PLD1: variants seen among roughly 807,000 people sequenced by gnomAD.
The protein encoded by PLD1 is choline phosphatase 1.
A neutral mutation model predicts 137.1 loss-of-function variants in PLD1; 112 were observed. The ratio of observed to expected loss-of-function variants is 0.82; its 90% CI spans 0.70 to 0.96. PLD1 has a LOEUF of 0.96. Among genes scored for constraint, PLD1 ranks in the 40% least tolerant of loss-of-function variants. The pLI is 0.00. For synonymous variants in PLD1, 431 were observed against 454.7 expected (o/e 0.95, Z 0.66); for missense variants, 1,321 against 1,342.0 (o/e 0.98, Z 0.24).
intron 1 of PLD1, among the ~76,000 whole-genome samples, chr3:171,745,740 T>C (rs1720105374): frequency 6.6e-6 from 1 of 152,182 alleles, no homozygotes; most frequent in Admixed American, 6.5e-5. Flanking sequence ...GTGCTAGCAG[T>C]CCTCACTCGC....
intron 12 of PLD1, among the ~76,000 whole-genome samples, chr3:171,697,651 C>A (rs1252398328): frequency 6.6e-6 from 1 of 152,162 alleles, no homozygotes; most frequent in Non-Finnish European, 1.5e-5. Flanking sequence ...CTGACAAAGT[C>A]TTTGGCACTG....
At chr3:171,696,715 G>A (rs1322663508) in intron 12 of PLD1, among the ~76,000 whole-genome samples, 1 of 152,094 alleles carries the variant, frequency 6.6e-6, no homozygotes, top group Non-Finnish European at 1.5e-5. Flanking sequence ...GGAGTGATCC[G>A]AGTGTTAAAA....
intron 1 of PLD1, among the ~76,000 whole-genome samples, chr3:171,796,117 T>C (rs923128416): frequency 1.3e-5 from 2 of 152,218 alleles, no homozygotes; most frequent in African/African-American, 2.4e-5. Context: ...TCCCCAAACA[T>C]TTGCTGTCCA....
At chr3:171,691,006 A>T (rs560963880) in intron 13 of PLD1, among the ~76,000 whole-genome samples, 1 of 152,302 alleles carries the variant, frequency 6.6e-6, no homozygotes, top group South Asian at 2.1e-4. Flanking sequence ...AGGTACATAA[A>T]TATGTATAAT....
intron 13 of PLD1, among the ~76,000 whole-genome samples, chr3:171,689,287 T>G (rs1714900441): frequency 6.6e-6 from 1 of 152,176 alleles, no homozygotes; most frequent in African/African-American, 2.4e-5. Context: ...TGATATTTTA[T>G]CAGTCATTGA....
intron 1 of PLD1, among the ~76,000 whole-genome samples, chr3:171,797,803 T>C (rs557055751): frequency 3.9e-4 from 59 of 152,350 alleles, no homozygotes; most frequent in South Asian, 8.3e-4. Flanking sequence ...GGGCCTCTTA[T>C]TTAAAACTGA....
At chr3:171,651,685 G>C (rs934664770) in intron 21 of PLD1, among the ~76,000 whole-genome samples, 9 of 152,172 alleles carry the variant, frequency 5.9e-5, no homozygotes, top group African/African-American at 1.9e-4. Flanking sequence ...AGAATGCTGA[G>C]GGATTCCCCA....
At chr3:171,700,148 T>C (rs533896562) in intron 11 of PLD1, among the ~76,000 whole-genome samples, 18 of 151,946 alleles carry the variant, frequency 1.2e-4, no homozygotes, top group African/African-American at 4.3e-4. Context: ...ACTTCTTCCC[T>C]GCTCTCAGAG....
At chr3:171,648,809 C>T (rs1273985847) in intron 21 of PLD1, among the ~76,000 whole-genome samples, 2 of 152,184 alleles carry the variant, frequency 1.3e-5, no homozygotes, top group Admixed American at 6.5e-5. Context: ...CCGCCTCGGC[C>T]TCCCAAAGTG....
chr3:171,689,646 G>A (rs575417590), intron 13 of PLD1, among the ~76,000 whole-genome samples: 216 of 152,172 alleles, frequency 1.4e-3, no homozygotes, highest in African/African-American at 5.0e-3. Flanking sequence ...GACTATAGGC[G>A]TGTACCACCA....
rs764165324 is a variant in PLD1 at position 171,687,521 on chromosome 3, G to C, written c.1603C>G (p.Leu535Val). The change falls in exon 15 of 27, where the codon CTA (leucine) becomes GTA (valine). Residue 535 changes from leucine (L) to valine (V), a missense_variant. Physicochemically the swap from Leu to Val is conservative, Grantham distance 32. Transcript: ENST00000351298. ...TCATCAATACTCTTCTGGATGGGTA[G>C]GTTTTGAACAGGCTCATTTTTATCT... Reference protein sequence around the residue: ...LKDKNEPVQNLPIQKSIDDVD... With the variant: ...LKDKNEPVQNVPIQKSIDDVD... 8.1e-6 allele frequency: 13 copies of C among 1,613,864 alleles called. No homozygotes were observed. Among genetic ancestry groups the C allele is most frequent in the East Asian group, 6.7e-5 (3 of 44,886 alleles).
At chr3:171,672,959 A>G (rs971055365) in intron 19 of PLD1, among the ~76,000 whole-genome samples, 2 of 152,250 alleles carry the variant, frequency 1.3e-5, no homozygotes, top group African/African-American at 4.8e-5. Flanking sequence ...AACTTCCTTC[A>G]TTGATTACAA....
chr3:171,712,645 T>TG (rs920553172), intron 9 of PLD1, among the ~76,000 whole-genome samples: 8 of 151,862 alleles, frequency 5.3e-5, no homozygotes, highest in South Asian at 2.1e-4. Context: ...GATAAAATCA[T>TG]GGGGGGGATC....
chr3:171,651,241 A>G (rs575763590), intron 21 of PLD1, among the ~76,000 whole-genome samples: 1 of 152,328 alleles, frequency 6.6e-6, no homozygotes, highest in Admixed American at 6.5e-5. Context: ...GTAAACTTCA[A>G]GAGCTGCTAT....
intron 24 of PLD1, among the ~76,000 whole-genome samples, chr3:171,613,974 C>T (rs182310443): frequency 3.9e-5 from 6 of 152,304 alleles, no homozygotes; most frequent in Admixed American, 2.6e-4. Flanking sequence ...TCAGGTTGAA[C>T]AGGCACCCTG....
chr3:171,606,614 C>G (rs1490839219), intron 25 of PLD1, among the ~76,000 whole-genome samples: 1 of 152,170 alleles, frequency 6.6e-6, no homozygotes, highest in East Asian at 1.9e-4. Context: ...TCAAGGAGAA[C>G]TGTCCAATTC....
intron 25 of PLD1, among the ~76,000 whole-genome samples, chr3:171,608,989 C>G (rs912203205): frequency 3.9e-5 from 6 of 151,912 alleles, no homozygotes; most frequent in Non-Finnish European, 7.4e-5. Flanking sequence ...ACACATATGA[C>G]AAAGGAATAA....
intron 23 of PLD1, among the ~76,000 whole-genome samples, chr3:171,623,313 C>CTT (rs57580074): frequency 3.1e-5 from 4 of 129,976 alleles, no homozygotes; most frequent in Admixed American, 7.5e-5. Flanking sequence ...CCCTATCAGA[C>CTT]TTTTTTTTTT....
chr3:171,670,133 G>A (rs1208346169), intron 19 of PLD1, among the ~76,000 whole-genome samples: 3 of 152,004 alleles, frequency 2.0e-5, no homozygotes, highest in Non-Finnish European at 4.4e-5. Flanking sequence ...TTGTGTAGGC[G>A]GGTACAGGGA....
Sources: allele counts gnomAD v4.1 joint callset (sites outside exome capture counted in the v4.1 genomes callset), GRCh38; gene constraint gnomAD v4.1.1; transcripts MANE v1.5; gene names NCBI Gene and HGNC (gene_info 2026-07-23, HGNC 2026-07-21).